The following ANXA4 variants were observed in gnomAD, a reference collection of about 807,000 sequenced individuals.
ANXA4 encodes 35-beta calcimedin.
A neutral mutation model predicts 49.8 loss-of-function variants in ANXA4; 39 were observed. The ratio of observed to expected loss-of-function variants is 0.78; its 90% CI spans 0.61 to 1.02. ANXA4 has a LOEUF of 1.02. ANXA4 is among the 50% of genes least tolerant of loss of function. ANXA4 has a pLI of 0.00. For missense variants in ANXA4, 360 were observed against 410.1 expected (o/e 0.88, Z 1.05); for synonymous variants, 134 against 152.5 (o/e 0.88, Z 0.89).
intron 2 of ANXA4, among the ~76,000 whole-genome samples, chr2:69,718,097 C>G (rs991346408): frequency 1.2e-4 from 18 of 152,192 alleles, no homozygotes; most frequent in Non-Finnish European, 2.4e-4. Flanking sequence ...CTAGAGCCCT[C>G]TCTCACCATG....
intron 1 of ANXA4, among the ~76,000 whole-genome samples, chr2:69,757,260 ATATATAT>A (rs1447131287): frequency 3.1e-3 from 162 of 51,698 alleles, no homozygotes; most frequent in African/African-American, 0.011. Context: ...ATATATATAT[ATATATAT>A]TTTTTTTTTT....
chr2:69,722,041 G>A (rs983510200), intron 3 of ANXA4, among the ~76,000 whole-genome samples: 6 of 151,856 alleles, frequency 4.0e-5, no homozygotes, highest in African/African-American at 2.4e-5. Context: ...TATCTCACAG[G>A]GTCATTGGGA....
intron 3 of ANXA4, among the ~76,000 whole-genome samples, chr2:69,800,430 T>C (rs1466807504): frequency 2.0e-5 from 3 of 152,206 alleles, no homozygotes; most frequent in Non-Finnish European, 4.4e-5. Context: ...CAAGGCAGAC[T>C]GTTGGAGAAG....
chr2:69,738,827 C>G (rs1030274860), upstream of ANXA4, among the ~76,000 whole-genome samples: 2 of 152,190 alleles, frequency 1.3e-5, no homozygotes, highest in African/African-American at 4.8e-5. Flanking sequence ...GTTCTCCAGA[C>G]TGGCCCATCT....
intron 2 of ANXA4, among the ~76,000 whole-genome samples, chr2:69,703,534 T>C (rs1258010448): frequency 6.6e-6 from 1 of 152,218 alleles, no homozygotes; most frequent in Non-Finnish European, 1.5e-5. Flanking sequence ...CTGACTTCTT[T>C]ATTGCTAGTA....
At chr2:69,768,125 T>C (rs1671569637) in intron 1 of ANXA4, among the ~76,000 whole-genome samples, 1 of 152,178 alleles carries the variant, frequency 6.6e-6, no homozygotes, top group South Asian at 2.1e-4. Context: ...TTATCACCTA[T>C]TACTGAGTGA....
chr2:69,671,435 A>G (rs888675462), intron 2 of ANXA4, among the ~76,000 whole-genome samples: 2 of 152,166 alleles, frequency 1.3e-5, no homozygotes, highest in Non-Finnish European at 2.9e-5. Flanking sequence ...AAAAAATATG[A>G]ATTGGGCATG....
chr2:69,700,847 G>T (rs989729438), intron 2 of ANXA4, among the ~76,000 whole-genome samples: 3 of 152,074 alleles, frequency 2.0e-5, no homozygotes, highest in African/African-American at 7.2e-5. Flanking sequence ...GGAATCACTT[G>T]GTCAAGGGGT....
rs568379487 is a variant in ANXA4 at position 69,820,873 on chromosome 2, C to T, written c.906+52C>T. 8.1e-5 allele frequency: 127 copies of T among 1,570,814 alleles called. 1 individual carries two copies. The South Asian group carries it at 1.4e-3, about 18-fold the overall frequency. On this transcript the variant is annotated intron_variant, in intron 12 of 12. Coordinates refer to ENST00000394295, the MANE Select transcript of ANXA4 (RefSeq NM_001153.5). ...GTAAAGGATCCAGAAAAGGACCCCT[C>T]TGACCTTGGCATTTAGCACTTGTTG...
At chr2:69,728,072 C>T (rs1670007772) in intron 3 of ANXA4, among the ~76,000 whole-genome samples, 1 of 152,198 alleles carries the variant, frequency 6.6e-6, no homozygotes, top group African/African-American at 2.4e-5. Flanking sequence ...TCAGGAAGAA[C>T]ACAATGTCAA....
rs545975911 is a variant in ANXA4 at position 69,807,183 on chromosome 2, C to T, written c.306+685C>T. ...GAATCATTTGCTCCTTCCTGTGGCT[C>T]AATGGGGAGTGATTATAATTGTCGC... On this transcript the variant is annotated intron_variant, in intron 5 of 12. Coordinates refer to ENST00000394295, the MANE Select transcript of ANXA4 (RefSeq NM_001153.5). 9.2e-5 allele frequency among the ~76,000 whole-genome samples: 14 copies of T among 152,216 alleles called. No homozygotes were observed. The South Asian group carries it at 2.5e-3, about 27-fold the overall frequency.
At chr2:69,670,658 G>C (rs1573081744) in intron 2 of ANXA4, among the ~76,000 whole-genome samples, 1 of 152,138 alleles carries the variant, frequency 6.6e-6, no homozygotes, top group East Asian at 1.9e-4. Context: ...ATGGGGAAGA[G>C]TAAATAGTAC....
chr2:69,721,807 A>G (rs2105428646), intron 3 of ANXA4, among the ~76,000 whole-genome samples: 1 of 152,324 alleles, frequency 6.6e-6, no homozygotes, highest in South Asian at 2.1e-4. Context: ...CTTTTATAGA[A>G]AAACCTTTAT....
intron 2 of ANXA4, among the ~76,000 whole-genome samples, chr2:69,785,878 C>G (rs1288576084): frequency 1.3e-5 from 2 of 152,108 alleles, no homozygotes; most frequent in Non-Finnish European, 2.9e-5. Flanking sequence ...CTCAGCCATC[C>G]TTTCTGGGCT....
intron 2 of ANXA4, among the ~76,000 whole-genome samples, chr2:69,684,316 T>A (rs1195125108): frequency 1.3e-5 from 2 of 152,216 alleles, no homozygotes; most frequent in Non-Finnish European, 2.9e-5. Context: ...TCTGCCCGAA[T>A]GTACATGGGA....
rs1482395644 is a variant in ANXA4 at position 69,757,118 on chromosome 2, G to A, written c.-47+14943G>A. Among the ~76,000 whole-genome samples, 3 of 147,992 alleles carry A rather than the reference G, an allele frequency of 2.0e-5. No homozygotes were observed. In the East Asian group the frequency reaches 6.0e-4, roughly 29 times the overall value. On this transcript the variant is annotated intron_variant, in intron 1 of 12. Transcript: ENST00000394295. ...ATTTTTTTGTATTTTCAGTAGAGAC[G>A]GGGTTTCACCATGTTAGCCAGGCTA... is the stretch of plus-strand genomic sequence containing the variant.
Position 69,818,614 on chromosome 2 carries a change from A to G in ANXA4, c.644A>G (p.Lys215Arg). 1.2e-6 allele frequency: 2 copies of G among 1,604,066 alleles called. No individual in the cohort carries two copies. The highest frequency in any genetic ancestry group is 1.1e-5 in the South Asian group (1 of 89,106). ...NHLLHVFDEY[K>R]RISQKDIEQS... ...TTGTCTGCAGTGTTTGATGAATACA[A>G]AAGGATATCACAGAAGGATATTGAA... Residue 215 changes from lysine to arginine, a missense_variant, in exon 10 of 13, where the codon AAA becomes AGA. By Grantham distance (26) the Lys-to-Arg change is conservative. Transcript: ENST00000394295.
intron 2 of ANXA4, among the ~76,000 whole-genome samples, chr2:69,681,060 G>A (rs776948226): frequency 3.3e-5 from 5 of 152,122 alleles, no homozygotes; most frequent in Non-Finnish European, 5.9e-5. Flanking sequence ...CACTTTTTTG[G>A]AATAGTTTGA....
At chr2:69,644,225 G>A (rs778894666), upstream of ANXA4, among the ~76,000 whole-genome samples, 10 of 132,624 alleles carry the variant, frequency 7.5e-5, no homozygotes, top group Non-Finnish European at 1.5e-4. Context: ...TTTGCGGCCT[G>A]GCCTCCTGGC....
Sources: gnomAD v4.1 joint callset for allele counts (sites outside exome capture counted in the v4.1 genomes callset) on GRCh38, gnomAD v4.1.1 for gene constraint, MANE v1.5 for transcripts, NCBI Gene and HGNC (gene_info 2026-07-23, HGNC 2026-07-21) for gene names.